TNKS: variants seen among roughly 807,000 people sequenced by gnomAD.
TNKS encodes the protein tankyrase.
Under a neutral mutation model 135.8 loss-of-function variants are expected in TNKS, and 72 were observed. The ratio of observed to expected loss-of-function variants is 0.53; its 90% CI spans 0.44 to 0.64. The LOEUF (loss-of-function observed/expected upper bound fraction) is 0.64, where lower values mean the gene tolerates loss of function less well. Ranked by LOEUF, TNKS falls within the 30% of genes least tolerant of loss-of-function variation. TNKS has a pLI of 0.00. For missense variants in TNKS, 1,769 were observed against 1,674.0 expected (o/e 1.06, Z -0.99); for synonymous variants, 849 against 649.3 (o/e 1.31, Z -4.68).
intron 2 of TNKS, among the ~76,000 whole-genome samples, chr8:9,592,395 C>T (rs73535828): frequency 0.089 from 13,479 of 152,052 alleles, 670 homozygotes; most frequent in South Asian, 0.17. Flanking sequence ...TTCATATTCC[C>T]GGTATTAGGA....
chr8:9,757,974 G>T (rs764291952), intron 20 of TNKS, among the ~76,000 whole-genome samples: 1 of 152,124 alleles, frequency 6.6e-6, no homozygotes, highest in Non-Finnish European at 1.5e-5. Flanking sequence ...AACTCACTGC[G>T]ACTAAATTTA....
Position 9,735,038 on chromosome 8 carries a change from C to G in TNKS, c.2487C>G (p.Asn829Lys). 6.2e-7 allele frequency: 1 copy of G among 1,614,194 alleles called. No homozygotes were observed. The highest frequency in any genetic ancestry group is 1.1e-5 in the South Asian group (1 of 91,076). Reference protein sequence around the residue: ...VQKLCTPENINCRDTQGRNST... With the variant: ...VQKLCTPENIKCRDTQGRNST... The stretch of plus-strand genomic sequence containing the variant: ...AGCTCTGTACCCCAGAGAATATCAA[C>G]TGCAGAGACACCCAGGGCAGAAATT... The change falls in exon 16 of 27, where the codon AAC (asparagine) becomes AAG (lysine). Residue 829 changes from asparagine (N) to lysine (K), a missense_variant. Around this residue, in one of 5 missense-constraint regions of TNKS, gnomAD observed 722 missense variants for 688.9 expected, o/e 1.05. Coordinates refer to ENST00000310430, the MANE Select transcript of TNKS (RefSeq NM_003747.3).
At position 9,722,450 on chromosome 8, in the gene TNKS, C is replaced by T. The variant is rs528336993; in HGVS notation, c.1921+1905C>T. 11 of 151,136 alleles carry T rather than the reference C, an allele frequency of 7.3e-5. No individual in the cohort carries two copies. In the East Asian group the frequency reaches 1.4e-3, roughly 19 times the overall value. The allele number at this position is 151,136 out of a possible 1,614,324, so 9.4% of individuals were successfully genotyped here. ...TTCAGCCTTAATGGTGATCTTGAGACGGGAAGATTTAGAAGGAAATCTATC... is the reference window on the plus strand; with the variant it reads ...TTCAGCCTTAATGGTGATCTTGAGATGGGAAGATTTAGAAGGAAATCTATC... On this transcript the variant is annotated intron_variant, in intron 12 of 26. Coordinates refer to ENST00000310430, the MANE Select transcript of TNKS (RefSeq NM_003747.3).
chr8:9,764,224 T>C (rs1279034291), intron 22 of TNKS, among the ~76,000 whole-genome samples: 2 of 152,172 alleles, frequency 1.3e-5, no homozygotes, highest in South Asian at 4.1e-4. Flanking sequence ...AAGACAGTTA[T>C]TCCCTTTAGT....
At chr8:9,772,372 G>A (rs1190001600) in intron 26 of TNKS, 3 of 455,226 alleles carry the variant, frequency 6.6e-6, no homozygotes, top group African/African-American at 4.0e-5. Context: ...TCTCTAGGTG[G>A]ATACTCTAAA....
intron 3 of TNKS, among the ~76,000 whole-genome samples, chr8:9,651,635 G>T (rs1801151435): frequency 6.6e-6 from 1 of 152,132 alleles, no homozygotes; most frequent in African/African-American, 2.4e-5. Context: ...ATATCTGTTC[G>T]GGAGGCAGGA....
intron 11 of TNKS, among the ~76,000 whole-genome samples, chr8:9,718,720 A>T: frequency 6.6e-6 from 1 of 152,196 alleles, no homozygotes; most frequent in Non-Finnish European, 1.5e-5. Context: ...GACATCTATT[A>T]TTCTGACTCC....
At chr8:9,681,126 C>A (rs910000674) in intron 5 of TNKS, 3 of 191,716 alleles carry the variant, frequency 1.6e-5, no homozygotes, top group Non-Finnish European at 3.2e-5. Flanking sequence ...TATGAGTGTC[C>A]TATTTACCCA....
chr8:9,646,625 A>G (rs1046588648), intron 3 of TNKS, among the ~76,000 whole-genome samples: 10 of 152,230 alleles, frequency 6.6e-5, no homozygotes, highest in African/African-American at 2.4e-4. Context: ...TCAGAAACTC[A>G]TGGAATCTCA....
At chr8:9,669,962 A>G (rs567015978) in intron 3 of TNKS, among the ~76,000 whole-genome samples, 16 of 152,310 alleles carry the variant, frequency 1.1e-4, no homozygotes, top group African/African-American at 3.6e-4. Flanking sequence ...TTTTTCTCCT[A>G]AGCGTAATAT....
At chr8:9,617,102 A>AATG (rs1563120018) in intron 3 of TNKS, among the ~76,000 whole-genome samples, 20 of 152,356 alleles carry the variant, frequency 1.3e-4, no homozygotes, top group East Asian at 9.6e-4. Context: ...TAATGCAACA[A>AATG]CGCTTTTAGA....
chr8:9,678,614 C>G (rs963927794), intron 3 of TNKS, among the ~76,000 whole-genome samples: 1 of 151,984 alleles, frequency 6.6e-6, no homozygotes, highest in African/African-American at 2.4e-5. Flanking sequence ...AATCTTAATC[C>G]AGGAGGCAAG....
chr8:9,579,024 C>G (rs1478959532), intron 1 of TNKS, among the ~76,000 whole-genome samples: 2 of 152,050 alleles, frequency 1.3e-5, no homozygotes. Flanking sequence ...GTTGTTGTTC[C>G]TTGACTTCCA....
chr8:9,594,995 G>T (rs762198376), intron 2 of TNKS, among the ~76,000 whole-genome samples: 1 of 152,170 alleles, frequency 6.6e-6, no homozygotes, highest in East Asian at 1.9e-4. Context: ...GCAAAAATTA[G>T]TTGAAAATTC....
At chr8:9,717,614 G>T (rs1804673877) in intron 11 of TNKS, among the ~76,000 whole-genome samples, 3 of 152,054 alleles carry the variant, frequency 2.0e-5, no homozygotes, top group Admixed American at 1.3e-4. Flanking sequence ...TGTTGCTCTT[G>T]TGAGGCATTC....
intron 17 of TNKS, among the ~76,000 whole-genome samples, chr8:9,742,743 T>G (rs6987746): frequency 0.072 from 10,738 of 148,696 alleles, 416 homozygotes; most frequent in South Asian, 0.17. Context: ...TAAAATATAA[T>G]GAATTAAATT....
chr8:9,738,908 T>G (rs1335033741), intron 17 of TNKS, among the ~76,000 whole-genome samples: 1 of 149,624 alleles, frequency 6.7e-6, no homozygotes, highest in Non-Finnish European at 1.5e-5. Context: ...TGTAGATGTC[T>G]ATTAGGTCTG....
At chr8:9,672,702 ACACAC>A (rs1802345692) in intron 3 of TNKS, among the ~76,000 whole-genome samples, 1 of 125,382 alleles carries the variant, frequency 8.0e-6, no homozygotes, top group African/African-American at 2.9e-5. Context: ...ACACACACAC[ACACAC>A]ACACAAAAAA....
At chr8:9,578,889 A>T (rs964577332) in intron 1 of TNKS, among the ~76,000 whole-genome samples, 1 of 152,230 alleles carries the variant, frequency 6.6e-6, no homozygotes, top group Non-Finnish European at 1.5e-5. Flanking sequence ...GTTTCCTTTT[A>T]TAACCCATTG....
Sources: gnomAD v4.1 joint callset for allele counts (sites outside exome capture counted in the v4.1 genomes callset) on GRCh38, gnomAD v4.1.1 for gene constraint, gnomAD v4.1.1 regional missense constraint, MANE v1.5 for transcripts, NCBI Gene and HGNC (gene_info 2026-07-23, HGNC 2026-07-21) for gene names.